The following MYH15 variants were observed in gnomAD, a reference collection of about 807,000 sequenced individuals.
The protein encoded by MYH15 is myosin heavy chain 15, also known as myosin-15.
A neutral mutation model predicts 240.5 loss-of-function variants in MYH15; 227 were observed. The observed-to-expected ratio is 0.94, with a 90% CI of 0.85 to 1.05. The LOEUF is 1.05. Among genes scored for constraint, MYH15 ranks in the 50% least tolerant of loss-of-function variants. The probability of loss-of-function intolerance (pLI) is 0.00; values close to 1 mark genes in which losing one functional copy is unlikely to be tolerated. For missense variants in MYH15, 2,217 were observed against 2,247.5 expected (o/e 0.99, Z 0.27); for synonymous variants, 785 against 796.7 (o/e 0.99, Z 0.25).
At chr3:108,498,210 A>G (rs2083409146) in intron 5 of MYH15, 65 bp from the exon 6 acceptor site, 1 of 1,416,104 alleles carries the variant, frequency 7.1e-7, no homozygotes. Flanking sequence ...AAAGTTAGGT[A>G]ATTTTGATTA....
intron 21 of MYH15, among the ~76,000 whole-genome samples, chr3:108,447,445 G>C (rs879935030): frequency 6.6e-6 from 1 of 151,954 alleles, no homozygotes; most frequent in African/African-American, 2.4e-5. Flanking sequence ...AAAAGTCAAA[G>C]AGAGAATTTT....
rs760734119 is a variant in MYH15 at position 108,383,576 on chromosome 3, A to T, written c.5766+19T>A. On this transcript the variant is annotated intron_variant, in intron 40 of 40. Coordinates refer to ENST00000693548, the MANE Select transcript of MYH15 (RefSeq NM_014981.3). ...AAACATGATTAAAGAGTTAGAACAG[A>T]GTTGAATATCTGCCATACCTTTTTC... The T allele has an allele frequency of 3.7e-6, 6 of 1,611,278 alleles. No individual in the cohort carries two copies. The highest frequency in any genetic ancestry group is 5.1e-6 in the Non-Finnish European group (6 of 1,178,344).
intron 21 of MYH15, among the ~76,000 whole-genome samples, chr3:108,452,668 A>G (rs2082983954): frequency 6.6e-6 from 1 of 152,192 alleles, no homozygotes; most frequent in South Asian, 2.1e-4. Flanking sequence ...AAGGTATGAA[A>G]ACATACTTTT....
chr3:108,462,312 G>C (rs1332736148), intron 16 of MYH15, among the ~76,000 whole-genome samples: 2 of 152,138 alleles, frequency 1.3e-5, no homozygotes, highest in Admixed American at 6.5e-5. Flanking sequence ...GTCTGTCTCT[G>C]TTTTGTTCAT....
chr3:108,529,838 T>C (rs1391495846), upstream of MYH15, among the ~76,000 whole-genome samples: 1 of 152,010 alleles, frequency 6.6e-6, no homozygotes, highest in African/African-American at 2.4e-5. Flanking sequence ...AGCAACCTCT[T>C]TGAGTTAAGG....
chr3:108,407,433 G>A (rs1195577201), intron 32 of MYH15, among the ~76,000 whole-genome samples: 2 of 152,142 alleles, frequency 1.3e-5, no homozygotes, highest in African/African-American at 2.4e-5. Context: ...GTTCAGCTCT[G>A]AGAAGAGGCT....
At position 108,456,864 on chromosome 3, in the gene MYH15, C is replaced by CAA; in HGVS notation, c.2038_2039dup (p.Leu680PhefsTer39). 1 of 1,612,106 alleles carries CAA rather than the reference C, an allele frequency of 6.2e-7. No individual in the cohort carries two copies. Among genetic ancestry groups the CAA allele is most frequent in the East Asian group, 2.2e-5 (1 of 44,846 alleles). On this transcript the variant is annotated frameshift_variant, in exon 19 of 41. Coordinates refer to ENST00000693548, the MANE Select transcript of MYH15 (RefSeq NM_014981.3). LOFTEE classifies it high-confidence loss of function. ...CATTACAGCGCAACTGCTGTAGAAC[C>CAA]AAGTAAGGGTCCAGTATACCTGGAA...
At chr3:108,539,311 C>T in the MYH15 span, among the ~76,000 whole-genome samples, 1 of 152,020 alleles carries the variant, frequency 6.6e-6, no homozygotes, top group Non-Finnish European at 1.5e-5. Flanking sequence ...GTTAACACTA[C>T]CGTACTTAAG....
At chr3:108,424,914 G>A (rs2082713928) in intron 27 of MYH15, among the ~76,000 whole-genome samples, 1 of 152,212 alleles carries the variant, frequency 6.6e-6, no homozygotes, top group Non-Finnish European at 1.5e-5. Flanking sequence ...CCTTGGACAA[G>A]TCACTGAATC....
At chr3:108,484,463 T>A (rs565424470) in intron 11 of MYH15, among the ~76,000 whole-genome samples, 1 of 152,172 alleles carries the variant, frequency 6.6e-6, no homozygotes, top group South Asian at 2.1e-4. Context: ...AATTTGCTCC[T>A]TATTTTTGTA....
At chr3:108,422,963 G>A (rs2082694965) in intron 27 of MYH15, among the ~76,000 whole-genome samples, 1 of 152,150 alleles carries the variant, frequency 6.6e-6, no homozygotes, top group South Asian at 2.1e-4. Context: ...TATGTTGCAG[G>A]ACTTTTCCTT....
intron 22 of MYH15, among the ~76,000 whole-genome samples, chr3:108,443,242 T>C (rs540540259): frequency 6.6e-5 from 10 of 152,340 alleles, no homozygotes; most frequent in Non-Finnish European, 1.2e-4. Context: ...ATTGAAGTTG[T>C]AGAATCACTG....
At chr3:108,550,011 A>G in the MYH15 span, 1 of 151,646 alleles carries the variant, frequency 6.6e-6, no homozygotes, top group Non-Finnish European at 1.5e-5. Flanking sequence ...TTTACTCTGC[A>G]TAATATTTTT....
rs2082584847 is a variant in MYH15, at chr3:108,410,714, G to T, written c.4364C>A (p.Ser1455Tyr). The change falls in exon 31 of 41, where the codon TCC becomes TAC. Residue 1455 changes from serine to tyrosine, a missense_variant. Physicochemically the swap from Ser to Tyr is moderately radical, Grantham distance 144 (BLOSUM62 -2). Transcript: ENST00000693548. ...CTGAGAGGCATCCAGCAACGCCTGGGACTCCTCGTGCTTCTGCTTCCAGTC... is the reference window on the plus strand; with the variant it reads ...CTGAGAGGCATCCAGCAACGCCTGGTACTCCTCGTGCTTCTGCTTCCAGTC... ...LADWKQKHEE[S>Y]QALLDASQKE... The T allele has an allele frequency of 6.2e-7, 1 of 1,614,020 alleles. No individual in the cohort carries two copies. Among genetic ancestry groups the T allele is most frequent in the African/African-American group, 1.3e-5 (1 of 74,938 alleles).
intron 7 of MYH15, among the ~76,000 whole-genome samples, chr3:108,494,304 T>C (rs1036153205): frequency 1.1e-4 from 17 of 152,202 alleles, no homozygotes; most frequent in Non-Finnish European, 2.4e-4. Flanking sequence ...CATACACATA[T>C]ACAGAAGTAT....
chr3:108,381,300 T>C lies in MYH15; in HGVS notation c.*245A>G. On this transcript the variant is annotated 3_prime_UTR_variant, in exon 41 of 41. Transcript: ENST00000693548. The stretch of plus-strand genomic sequence containing the variant: ...CATCAGAATTGAAAAGGTTCTTCCA[T>C]TTATTTAATCTGTCATGTGAAGCAT... 1 of 561,974 alleles carries C rather than the reference T, an allele frequency of 1.8e-6. No homozygotes were observed. Among genetic ancestry groups the C allele is most frequent in the Non-Finnish European group, 3.2e-6 (1 of 315,332 alleles). 34.8% of individuals were successfully genotyped at this position (561,974 alleles called of 1,614,324 possible).
chr3:108,494,395 CTT>C (rs766720634), intron 7 of MYH15, among the ~76,000 whole-genome samples: 1 of 151,446 alleles, frequency 6.6e-6, no homozygotes, highest in Non-Finnish European at 1.5e-5. Flanking sequence ...TTCTTTCTCT[CTT>C]CTTTCTTTCC....
intron 35 of MYH15, among the ~76,000 whole-genome samples, chr3:108,394,872 G>A (rs1309723958): frequency 1.3e-5 from 2 of 152,170 alleles, no homozygotes; most frequent in Non-Finnish European, 2.9e-5. Context: ...AAAGGCATAG[G>A]CTTTCTATTT....
intron 2 of MYH15, among the ~76,000 whole-genome samples, chr3:108,502,085 A>G (rs994678567): frequency 6.6e-6 from 1 of 152,076 alleles, no homozygotes; most frequent in African/African-American, 2.4e-5. Flanking sequence ...TTATATCAAG[A>G]TTTTCTATCA....
Sources: allele counts gnomAD v4.1 joint callset (sites outside exome capture counted in the v4.1 genomes callset), GRCh38; gene constraint gnomAD v4.1.1; transcripts MANE v1.5; gene names NCBI Gene and HGNC (gene_info 2026-07-23, HGNC 2026-07-21).